BORCS5: variants seen among roughly 807,000 people sequenced by gnomAD.
BORCS5 encodes the protein BLOC-1-related complex subunit 5.
A neutral mutation model predicts 22.1 loss-of-function variants in BORCS5; 17 were observed. The observed-to-expected ratio is 0.77, with a 90% CI of 0.53 to 1.15. The LOEUF (loss-of-function observed/expected upper bound fraction) is 1.15. Ranked by LOEUF, BORCS5 falls within the 50% of genes most tolerant of loss-of-function variation. The pLI, the probability that BORCS5 is intolerant of heterozygous loss-of-function variation, is 0.00. For missense variants in BORCS5, 247 were observed against 253.2 expected, an observed-to-expected ratio of 0.98 and a Z score of 0.17; for synonymous variants, 117 against 99.8, an observed-to-expected ratio of 1.17 and a Z score of -1.03.
intron 2 of BORCS5, among the ~76,000 whole-genome samples, chr12:12,411,362 G>A (rs891040195): frequency 6.6e-6 from 1 of 152,220 alleles, no homozygotes; most frequent in African/African-American, 2.4e-5. Context: ...GTTCTTTCAT[G>A]TGCTTATTGG....
chr12:12,425,376 C>T (rs1261962627), intron 2 of BORCS5, among the ~76,000 whole-genome samples: 3 of 152,136 alleles, frequency 2.0e-5, no homozygotes, highest in South Asian at 2.1e-4. Flanking sequence ...CTACCACAGT[C>T]TTCCCCAAAT....
intron 3 of BORCS5, among the ~76,000 whole-genome samples, chr12:12,444,528 A>G (rs577815918): frequency 1.9e-4 from 29 of 152,324 alleles, no homozygotes; most frequent in Non-Finnish European, 2.9e-4. Context: ...ACTCAATTAC[A>G]TGGCCACAGC....
rs1308430229 is a variant in BORCS5, at chr12:12,421,845, G to GT, written c.203-13780dup. ...TTTTCTAGTTTATTTGTGTAGAAGT[G>GT]TTTATAGTGTTCTCTGATGATAGTT... On this transcript the variant is annotated intron_variant, in intron 2 of 3. Coordinates refer to ENST00000314565, the MANE Select transcript of BORCS5 (RefSeq NM_058169.6). Among the ~76,000 whole-genome samples, 3 of 152,312 alleles carry GT rather than the reference G, an allele frequency of 2.0e-5. No individual in the cohort carries two copies. In the East Asian group the frequency reaches 5.8e-4, roughly 29 times the overall value.
chr12:12,365,272 C>G (rs1011844430), intron 2 of BORCS5, among the ~76,000 whole-genome samples: 1 of 151,998 alleles, frequency 6.6e-6, no homozygotes, highest in African/African-American at 2.4e-5. Flanking sequence ...TGGGCTCAAG[C>G]GATCCACCCA....
Position 12,413,784 on chromosome 12 carries a change from C to G in BORCS5, c.203-21844C>G, listed in dbSNP as rs568223175. Among the ~76,000 whole-genome samples, 3 of 79,458 alleles carry G rather than the reference C, an allele frequency of 3.8e-5. No homozygotes were observed. The East Asian group carries it at 7.6e-4, about 20-fold the overall frequency. The allele number at this position is 79,458 out of a possible 152,430, so 52.1% of individuals were successfully genotyped here. ...CTCCTCACTTCCCAGTAGGGGCGGCCGGGCAGAGGCGCCCCTCACCTCCCG... is the reference window on the plus strand; with the variant it reads ...CTCCTCACTTCCCAGTAGGGGCGGCGGGGCAGAGGCGCCCCTCACCTCCCG... On this transcript the variant is annotated intron_variant, in intron 2 of 3. Coordinates refer to ENST00000314565, the MANE Select transcript of BORCS5 (RefSeq NM_058169.6).
At chr12:12,403,405 T>C (rs1941520027) in intron 2 of BORCS5, among the ~76,000 whole-genome samples, 1 of 152,226 alleles carries the variant, frequency 6.6e-6, no homozygotes, top group African/African-American at 2.4e-5. Context: ...CAATCCCAGC[T>C]GCTCTTCCCC....
rs1943224353 is a variant in BORCS5 at position 12,467,615 on chromosome 12, G to C, written c.*1839G>C. On this transcript the variant is annotated 3_prime_UTR_variant, in exon 4 of 4. Transcript: ENST00000314565. ...GGAGAAGTATGGCAGAAGAACAATA[G>C]GCAAATTCAATACTCCCGGAAAGAA... The C allele has an allele frequency of 6.6e-6, 1 of 152,316 alleles. No individual in the cohort carries two copies. The highest frequency in any genetic ancestry group is 1.9e-4 in the East Asian group (1 of 5,194). The allele number at this position is 152,316 out of a possible 1,614,324, so 9.4% of individuals were successfully genotyped here. A position where few individuals can be genotyped will look rare whatever the true frequency, so the allele number is the denominator to read the frequency against.
intron 3 of BORCS5, chr12:12,452,350 T>C (rs1178162455): frequency 1.5e-6 from 1 of 683,644 alleles, no homozygotes; most frequent in Non-Finnish European, 2.6e-6. Context: ...GAACCGTGTC[T>C]ACATGGAAAA....
intron 2 of BORCS5, among the ~76,000 whole-genome samples, chr12:12,414,739 C>A (rs1266379172): frequency 5.9e-5 from 8 of 135,062 alleles, no homozygotes. Context: ...CGGAGACGCT[C>A]CTCACTTCCC....
chr12:12,453,206 TA>T (rs1436712848), intron 3 of BORCS5, among the ~76,000 whole-genome samples: 2 of 152,246 alleles, frequency 1.3e-5, no homozygotes, highest in African/African-American at 4.8e-5. Context: ...ATGTGTGCTG[TA>T]AATATATAGT....
chr12:12,419,969 C>A (rs1942071341), intron 2 of BORCS5, among the ~76,000 whole-genome samples: 1 of 152,068 alleles, frequency 6.6e-6, no homozygotes, highest in South Asian at 2.1e-4. Context: ...GGATAGATTG[C>A]AAAAATTTTC....
chr12:12,409,631 G>C (rs1224181772), intron 2 of BORCS5, among the ~76,000 whole-genome samples: 1 of 152,078 alleles, frequency 6.6e-6, no homozygotes, highest in African/African-American at 2.4e-5. Flanking sequence ...GTCTATCATT[G>C]TTGGACATTT....
At chr12:12,410,604 G>A (rs1215598399) in intron 2 of BORCS5, among the ~76,000 whole-genome samples, 5 of 152,172 alleles carry the variant, frequency 3.3e-5, no homozygotes, top group Non-Finnish European at 7.3e-5. Context: ...TTTGGTACCA[G>A]TACCATGCTG....
At chr12:12,401,846 C>G (rs995521189) in intron 2 of BORCS5, among the ~76,000 whole-genome samples, 1 of 151,754 alleles carries the variant, frequency 6.6e-6, no homozygotes, top group East Asian at 1.9e-4. Flanking sequence ...ATCACGAGGT[C>G]AGAAGATCGA....
intron 3 of BORCS5, among the ~76,000 whole-genome samples, chr12:12,438,360 C>CAAAATAAAAAAA (rs1942598761): frequency 4.2e-5 from 1 of 23,810 alleles, no homozygotes; most frequent in Non-Finnish European, 6.9e-5. Flanking sequence ...GATTTCATCT[C>CAAAATAAAAAAA]AAAAAAAAAA....
intron 2 of BORCS5, among the ~76,000 whole-genome samples, chr12:12,362,276 C>T (rs1863303265): frequency 6.6e-6 from 1 of 152,190 alleles, no homozygotes; most frequent in Non-Finnish European, 1.5e-5. Flanking sequence ...GAACCTTCTT[C>T]ATTGATGTCA....
At position 12,361,084 on chromosome 12, in the gene BORCS5, C is replaced by T. The variant is rs1348996549; in HGVS notation, c.59-122C>T. The T allele has an allele frequency of 4.1e-6, 4 of 969,874 alleles. No individual in the cohort carries two copies. In the Admixed American group the frequency reaches 6.6e-5, roughly 16 times the overall value. The allele number at this position is 969,874 out of a possible 1,614,324, so 60.1% of individuals were successfully genotyped here. A position where few individuals can be genotyped will look rare whatever the true frequency, so the allele number is the denominator to read the frequency against. On this transcript the variant is annotated intron_variant, in intron 1 of 3. Coordinates refer to ENST00000314565, the MANE Select transcript of BORCS5 (RefSeq NM_058169.6). ...CTATAATTCATCCCTGCCACCCCAA[C>T]CCCAACTGCAAGATAGCTACATTTT...
intron 2 of BORCS5, among the ~76,000 whole-genome samples, chr12:12,385,800 A>G (rs1863867704): frequency 1.3e-5 from 2 of 150,586 alleles, no homozygotes; most frequent in Admixed American, 1.3e-4. Flanking sequence ...GAGCCGCCAC[A>G]CTTGGCCAAG....
chr12:12,430,168 T>TTTTTTTTTTTG (rs1942386204), intron 2 of BORCS5, among the ~76,000 whole-genome samples: 1 of 148,300 alleles, frequency 6.7e-6, no homozygotes, highest in South Asian at 2.1e-4. Context: ...TTTTTTTTTT[T>TTTTTTTTTTTG]GAGACAGAGT....
Sources: gnomAD v4.1 joint callset for allele counts (sites outside exome capture counted in the v4.1 genomes callset) on GRCh38, gnomAD v4.1.1 for gene constraint, MANE v1.5 for transcripts, NCBI Gene and HGNC (gene_info 2026-07-23, HGNC 2026-07-21) for gene names.